Variants in XRCC4 observed in about 807,000 individuals in gnomAD.
XRCC4 encodes the protein DNA repair protein XRCC4.
XRCC4 carries 28 observed loss-of-function variants against 39.1 expected under a neutral mutation model. The observed-to-expected ratio is 0.72, with a 90% CI of 0.53 to 0.98. XRCC4 has a LOEUF of 0.98. XRCC4 is among the 50% of genes least tolerant of loss of function. The pLI is 0.00. For missense variants in XRCC4, 350 were observed against 376.4 expected, an observed-to-expected ratio of 0.93 and a Z score of 0.58; for synonymous variants, 123 against 126.4, an observed-to-expected ratio of 0.97 and a Z score of 0.18.
At chr5:83,149,277 G>C (rs1441774489) in intron 3 of XRCC4, among the ~76,000 whole-genome samples, 1 of 152,046 alleles carries the variant, frequency 6.6e-6, no homozygotes, top group Non-Finnish European at 1.5e-5. Flanking sequence ...TTTTTCTATA[G>C]AGTTACTAAG....
the XRCC4 span, among the ~76,000 whole-genome samples, chr5:83,372,246 C>T: frequency 6.6e-6 from 1 of 152,054 alleles, no homozygotes; most frequent in African/African-American, 2.4e-5. Flanking sequence ...ATATTTATCC[C>T]AAATGTGCAA....
chr5:83,159,538 A>T (rs1030674848), intron 3 of XRCC4, among the ~76,000 whole-genome samples: 2 of 152,206 alleles, frequency 1.3e-5, no homozygotes, highest in Non-Finnish European at 2.9e-5. Flanking sequence ...TATGTAAAAG[A>T]CAAGACTTTT....
chr5:83,150,016 TAATAG>T (rs1396180859), intron 3 of XRCC4, among the ~76,000 whole-genome samples: 1 of 152,122 alleles, frequency 6.6e-6, no homozygotes, highest in African/African-American at 2.4e-5. Flanking sequence ...ATTTAAAAAA[TAATAG>T]AATAATAAAA....
chr5:83,157,712 C>T (rs1264280798), intron 3 of XRCC4, among the ~76,000 whole-genome samples: 1 of 151,714 alleles, frequency 6.6e-6, no homozygotes, highest in Non-Finnish European at 1.5e-5. Flanking sequence ...AAAACATAAA[C>T]AGAAGCAGTC....
intron 3 of XRCC4, among the ~76,000 whole-genome samples, chr5:83,189,955 G>A (rs968441390): frequency 1.3e-5 from 2 of 151,998 alleles, no homozygotes; most frequent in Non-Finnish European, 2.9e-5. Flanking sequence ...TCCCAGCTAC[G>A]TGGGATGCTG....
chr5:83,256,522 T>C (rs916532236), intron 6 of XRCC4, among the ~76,000 whole-genome samples: 1 of 152,168 alleles, frequency 6.6e-6, no homozygotes, highest in East Asian at 1.9e-4. Flanking sequence ...ATAACTGAAA[T>C]GTCCTCTACC....
chr5:83,174,289 A>C (rs1443829844), intron 3 of XRCC4, among the ~76,000 whole-genome samples: 2 of 152,208 alleles, frequency 1.3e-5, no homozygotes, highest in African/African-American at 4.8e-5. Context: ...ATTGAACATA[A>C]ATCTTTGATC....
chr5:83,345,027 T>G (rs561534796), intron 7 of XRCC4, among the ~76,000 whole-genome samples: 1 of 152,336 alleles, frequency 6.6e-6, no homozygotes, highest in Non-Finnish European at 1.5e-5. Flanking sequence ...TATGTTTCTT[T>G]ACCTCCATTG....
intron 3 of XRCC4, among the ~76,000 whole-genome samples, chr5:83,152,632 CAAAAA>C (rs59213558): frequency 0.032 from 3,617 of 112,256 alleles, 59 homozygotes; most frequent in East Asian, 0.12. Flanking sequence ...GATCCTGTCT[CAAAAA>C]AAAAAAAAAA....
chr5:83,096,860 C>T (rs1029516871), intron 1 of XRCC4, among the ~76,000 whole-genome samples: 3 of 152,114 alleles, frequency 2.0e-5, no homozygotes, highest in Non-Finnish European at 4.4e-5. Context: ...ATGGCTACCA[C>T]CTTTATATGG....
At chr5:83,145,421 G>C (rs1463057535) in intron 3 of XRCC4, among the ~76,000 whole-genome samples, 1 of 152,138 alleles carries the variant, frequency 6.6e-6, no homozygotes, top group African/African-American at 2.4e-5. Context: ...GGTTTTTTGA[G>C]GTAAGGAGGA....
intron 7 of XRCC4, among the ~76,000 whole-genome samples, chr5:83,339,588 G>A (rs1183235304): frequency 2.0e-5 from 3 of 151,558 alleles, no homozygotes; most frequent in Admixed American, 1.3e-4. Flanking sequence ...TAACAAACCC[G>A]CACATTCTGC....
chr5:83,368,717 C>T, the XRCC4 span, among the ~76,000 whole-genome samples: 514 of 152,272 alleles, frequency 3.4e-3, 3 homozygotes, highest in African/African-American at 0.012. Flanking sequence ...AAAAAGTTTA[C>T]TCATTTGCAG....
intron 3 of XRCC4, among the ~76,000 whole-genome samples, chr5:83,173,743 A>G (rs1328649232): frequency 6.6e-6 from 1 of 152,182 alleles, no homozygotes; most frequent in East Asian, 1.9e-4. Flanking sequence ...AGATCTGTCC[A>G]GTTGAGAACA....
chr5:83,200,390 G>C (rs1751136558), intron 4 of XRCC4, among the ~76,000 whole-genome samples: 2 of 152,086 alleles, frequency 1.3e-5, no homozygotes, highest in Non-Finnish European at 2.9e-5. Flanking sequence ...AACCAAGCAA[G>C]GTTAACTCAC....
rs934513607 is a variant in XRCC4 at position 83,178,085 on chromosome 5, A to T, written c.316-17685A>T. Among the ~76,000 whole-genome samples the T allele has an allele frequency of 6.6e-5, 10 of 152,226 alleles. No homozygotes were observed. The East Asian group carries it at 1.9e-3, about 29-fold the overall frequency. ...AAACTGGTGACTAAATGGATGAGGG[A>T]GATAAGAAGGAAAAGCAAAATCAAG... On this transcript the variant is annotated intron_variant, in intron 3 of 7. Coordinates refer to ENST00000396027, the MANE Select transcript of XRCC4 (RefSeq NM_003401.5).
intron 3 of XRCC4, among the ~76,000 whole-genome samples, chr5:83,151,596 A>T (rs994143509): frequency 2.0e-5 from 3 of 152,200 alleles, no homozygotes; most frequent in Non-Finnish European, 4.4e-5. Context: ...TTAATGATTT[A>T]AAATCTTCAT....
intron 7 of XRCC4, among the ~76,000 whole-genome samples, chr5:83,338,961 A>G (rs1280113350): frequency 6.6e-6 from 1 of 152,160 alleles, no homozygotes; most frequent in Non-Finnish European, 1.5e-5. Flanking sequence ...TACCATACAT[A>G]TTAGAGACTT....
chr5:83,098,666 T>G (rs1745788000), intron 1 of XRCC4, among the ~76,000 whole-genome samples: 1 of 151,950 alleles, frequency 6.6e-6, no homozygotes, highest in African/African-American at 2.4e-5. Context: ...TTGTGGTAGT[T>G]TTTTCAAAAA....
Sources: allele counts gnomAD v4.1 joint callset (sites outside exome capture counted in the v4.1 genomes callset), GRCh38; gene constraint gnomAD v4.1.1; transcripts MANE v1.5; gene names NCBI Gene and HGNC (gene_info 2026-07-23, HGNC 2026-07-21).